CUL2: variants seen among roughly 807,000 people sequenced by gnomAD.
CUL2 encodes cullin-2.
In CUL2, 22 loss-of-function variants were observed where a neutral mutation model predicts 110.2. The observed-to-expected ratio is 0.20, with a 90% CI of 0.14 to 0.28. The LOEUF (loss-of-function observed/expected upper bound fraction) is 0.28. Ranked by LOEUF, CUL2 falls within the 10% of genes least tolerant of loss-of-function variation. The pLI is 1.00. For missense variants in CUL2, 631 were observed against 905.5 expected (o/e 0.70, Z 3.89); for synonymous variants, 279 against 293.2 (o/e 0.95, Z 0.49).
rs1344082306 is a variant in CUL2, at chr10:35,013,641, A to G, written c.1989+58T>C. 6 of 1,105,420 alleles carry G rather than the reference A, an allele frequency of 5.4e-6. No homozygotes were observed. In the East Asian group the frequency reaches 1.0e-4, roughly 19 times the overall value. 68.5% of individuals were successfully genotyped at this position (1,105,420 alleles called of 1,614,324 possible). A position where few individuals can be genotyped will look rare whatever the true frequency, so the allele number is the denominator to read the frequency against. Reference sequence around the variant, plus strand: ...GCACAATCTCAATGTAAACACTTGTAAAGTCCAATGCTTAAATGTTTCCCC... The same window carrying G: ...GCACAATCTCAATGTAAACACTTGTGAAGTCCAATGCTTAAATGTTTCCCC... On this transcript the variant is annotated intron_variant, in intron 19 of 20. Transcript: ENST00000374749.
At chr10:35,067,301 T>C (rs1290546847) in intron 2 of CUL2, among the ~76,000 whole-genome samples, 1 of 152,158 alleles carries the variant, frequency 6.6e-6, no homozygotes, top group Non-Finnish European at 1.5e-5. Context: ...TAGATGCCAC[T>C]TCTCCTCCAG....
At position 35,037,830 on chromosome 10, in the gene CUL2, G is replaced by A. The variant is rs191618737; in HGVS notation, c.877+1090C>T. ...TGCATTATAGCCTGGGCCACAGAGCGGGACTCCGTCTCAAAAAACAAAAAC... is the reference window on the plus strand; with the variant it reads ...TGCATTATAGCCTGGGCCACAGAGCAGGACTCCGTCTCAAAAAACAAAAAC... On this transcript the variant is annotated intron_variant, in intron 9 of 20. Coordinates refer to ENST00000374749, the MANE Select transcript of CUL2 (RefSeq NM_003591.4). 4.4e-3 allele frequency among the ~76,000 whole-genome samples: 663 copies of A among 152,096 alleles called. 4 individuals carry two copies. The highest frequency in any genetic ancestry group is 7.2e-3 in the Non-Finnish European group (487 of 67,982).
chr10:35,039,126 A>C, intron 8 of CUL2, 44 bp from the exon 9 acceptor site: 1 of 1,305,058 alleles, frequency 7.7e-7, no homozygotes, highest in Non-Finnish European at 1.0e-6. Context: ...AAGTTTTACT[A>C]TGAGGAAAAA....
chr10:35,027,405 A>G (rs910478605), intron 16 of CUL2, among the ~76,000 whole-genome samples: 1 of 152,084 alleles, frequency 6.6e-6, no homozygotes, highest in Admixed American at 6.5e-5. Flanking sequence ...CGGCCTCCCA[A>G]GGTGCTGGGA....
At chr10:35,078,374 C>A (rs1470060362) in intron 1 of CUL2, among the ~76,000 whole-genome samples, 4 of 151,536 alleles carry the variant, frequency 2.6e-5, no homozygotes, top group African/African-American at 4.9e-5. Context: ...CGGCTCACCA[C>A]AACCTTCACA....
In CUL2 at chr10:35,008,827, T is replaced by C. The variant is rs748871761; in HGVS notation, c.*1484A>G. 3 of 152,204 alleles carry C rather than the reference T, an allele frequency of 2.0e-5. No homozygotes were observed. Among genetic ancestry groups the C allele is most frequent in the African/African-American group, 7.2e-5 (3 of 41,456 alleles). 9.4% of individuals were successfully genotyped at this position (152,204 alleles called of 1,614,324 possible). On this transcript the variant is annotated 3_prime_UTR_variant, in exon 21 of 21. Coordinates refer to ENST00000374749, the MANE Select transcript of CUL2 (RefSeq NM_003591.4). ...CATATTAGATGATACTAAGTAATTA[T>C]TGTTTTTGTTAGGAGTAATAATATC...
intron 1 of CUL2, among the ~76,000 whole-genome samples, chr10:35,073,861 C>A (rs59621927): frequency 6.6e-6 from 1 of 152,090 alleles, no homozygotes; most frequent in Non-Finnish European, 1.5e-5. Context: ...CCACCTTGGC[C>A]TCCCAAAGTG....
chr10:35,040,260 G>A (rs1029689136), intron 8 of CUL2, among the ~76,000 whole-genome samples: 5 of 152,104 alleles, frequency 3.3e-5, no homozygotes, highest in African/African-American at 9.7e-5. Flanking sequence ...TACATAAAGC[G>A]CTGAGCTACA....
intron 1 of CUL2, among the ~76,000 whole-genome samples, chr10:35,126,148 G>T (rs61291084): frequency 0.15 from 22,908 of 151,740 alleles, 1,951 homozygotes; most frequent in East Asian, 0.24. Flanking sequence ...AAAAAGAGAT[G>T]AAGTCTCACT....
chr10:35,010,492 A>C (rs1220000165), intron 20 of CUL2, 50 bp from the exon 21 acceptor site: 2 of 1,551,372 alleles, frequency 1.3e-6, no homozygotes, highest in Non-Finnish European at 1.7e-6. Context: ...TCAGCTATTA[A>C]GTAATGACTT....
intron 4 of CUL2, among the ~76,000 whole-genome samples, chr10:35,057,051 G>A (rs1347712040): frequency 6.6e-6 from 1 of 152,166 alleles, no homozygotes; most frequent in Non-Finnish European, 1.5e-5. Flanking sequence ...CTGCTGTCAG[G>A]ATGTTACTTT....
intron 6 of CUL2, among the ~76,000 whole-genome samples, chr10:35,046,914 A>C (rs2085957468): frequency 6.6e-6 from 1 of 151,928 alleles, no homozygotes; most frequent in Non-Finnish European, 1.5e-5. Flanking sequence ...AAACAAAACA[A>C]AACAAAACAA....
rs1408328450 is a variant in CUL2 at position 35,008,844 on chromosome 10, A to G, written c.*1467T>C. 1 of 152,206 alleles carries G rather than the reference A, an allele frequency of 6.6e-6. No homozygotes were observed. The highest frequency in any genetic ancestry group is 1.5e-5 in the Non-Finnish European group (1 of 68,044). The allele number at this position is 152,206 out of a possible 1,614,324, so 9.4% of individuals were successfully genotyped here. A position where few individuals can be genotyped will look rare whatever the true frequency, so the allele number is the denominator to read the frequency against. Reference sequence around the variant, plus strand: ...AGTAATTATTGTTTTTGTTAGGAGTAATAATATCACTGTGGATTTTTTAAA... The same window carrying G: ...AGTAATTATTGTTTTTGTTAGGAGTGATAATATCACTGTGGATTTTTTAAA... On this transcript the variant is annotated 3_prime_UTR_variant, in exon 21 of 21. Coordinates refer to ENST00000374749, the MANE Select transcript of CUL2 (RefSeq NM_003591.4).
In CUL2 at chr10:35,031,512, A is replaced by G. The variant is rs761306803; in HGVS notation, c.1278T>C (p.Asp426=). Residue 426 remains aspartate (D), a synonymous_variant, in exon 13 of 21, where the codon GAT becomes GAC. Transcript: ENST00000374749. The surrounding 1 kb of genome is among the most constrained non-coding windows in gnomAD (Gnocchi z 4.4). The part of the protein sequence containing the change: ...TSFITVFKYI[D]DKDVFQKFYA... ...ATACCTTTTGAAAGACGTCCTTGTC[A>G]TCAATGTATTTGAACACTGTGATGA... is the stretch of plus-strand genomic sequence containing the variant. The G allele has an allele frequency of 1.9e-6, 3 of 1,614,146 alleles. No individual in the cohort carries two copies. The highest frequency in any genetic ancestry group is 1.7e-5 in the Admixed American group (1 of 60,020).
intron 2 of CUL2, among the ~76,000 whole-genome samples, chr10:35,070,995 A>G (rs537595146): frequency 2.0e-5 from 3 of 152,244 alleles, no homozygotes; most frequent in African/African-American, 7.2e-5. Context: ...CTTGACAGAT[A>G]CTAAGTACTC....
chr10:35,077,036 C>T (rs1589041277), intron 1 of CUL2, among the ~76,000 whole-genome samples: 1 of 152,232 alleles, frequency 6.6e-6, no homozygotes, highest in South Asian at 2.1e-4. Context: ...AACATATTCA[C>T]ATAAAAACTG....
rs2085887068 is a variant in CUL2 at position 35,044,610 on chromosome 10, A to G, written c.670T>C (p.Ser224Pro). 1 of 1,610,274 alleles carries G rather than the reference A, an allele frequency of 6.2e-7. No individual in the cohort carries two copies. The highest frequency in any genetic ancestry group is 8.5e-7 in the Non-Finnish European group (1 of 1,179,326). The change falls in exon 8 of 21, where the codon TCA (serine) becomes CCA (proline). Residue 224 changes from serine to proline, a missense_variant. Around this residue, in one of 3 missense-constraint regions of CUL2, gnomAD observed 338 missense variants for 442.5 expected, o/e 0.76. Coordinates refer to ENST00000374749, the MANE Select transcript of CUL2 (RefSeq NM_003591.4). ...ETGEYYKQEA[S>P]NLLQESNCSQ... ...CAGTTTGATTCTTGTAATAAATTTG[A>G]AGCTTCTTGTTTGTAATACTCTCCT...
chr10:35,122,107 A>G (rs923358204), intron 1 of CUL2, among the ~76,000 whole-genome samples: 2 of 152,232 alleles, frequency 1.3e-5, no homozygotes, highest in African/African-American at 4.8e-5. Context: ...AATCAAGCAC[A>G]TATTATACTT....
At chr10:35,094,009 A>T (rs1286922502), upstream of CUL2, among the ~76,000 whole-genome samples, 1 of 152,066 alleles carries the variant, frequency 6.6e-6, no homozygotes, top group African/African-American at 2.4e-5. Context: ...TTATCCTTTA[A>T]ATTTCTAATA....
Sources: allele counts gnomAD v4.1 joint callset (sites outside exome capture counted in the v4.1 genomes callset), GRCh38; gene constraint gnomAD v4.1.1; regional missense constraint gnomAD v4.1.1; non-coding constraint Gnocchi (gnomAD v3.1); transcripts MANE v1.5; gene names NCBI Gene and HGNC (gene_info 2026-07-23, HGNC 2026-07-21).